The following CLRN1 variants were observed in gnomAD, a reference collection of about 807,000 sequenced individuals.
The protein encoded by CLRN1 is clarin 1.
Under a neutral mutation model 18.7 loss-of-function variants are expected in CLRN1, and 15 were observed. The observed-to-expected ratio is 0.80, with a 90% CI of 0.54 to 1.23. CLRN1 has a LOEUF of 1.23. Ranked by LOEUF, CLRN1 falls within the 50% of genes most tolerant of loss-of-function variation. The probability of loss-of-function intolerance (pLI) is 0.00; values close to 1 mark genes in which losing one functional copy is unlikely to be tolerated. For synonymous variants in CLRN1, 104 were observed against 102.9 expected (o/e 1.01, Z -0.07); for missense variants, 311 against 277.5 (o/e 1.12, Z -0.86).
chr3:150,952,741 T>C (rs1490558288), intron 1 of CLRN1, among the ~76,000 whole-genome samples: 1 of 152,166 alleles, frequency 6.6e-6, no homozygotes, highest in Non-Finnish European at 1.5e-5. Context: ...GTCCTAAAAT[T>C]GAGGGTTGTT....
chr3:150,968,895 A>T (rs79449679), intron 1 of CLRN1, among the ~76,000 whole-genome samples: 9,516 of 152,008 alleles, frequency 0.063, 515 homozygotes, highest in East Asian at 0.15. Context: ...GGTGTCTACC[A>T]TACTTAGGGA....
chr3:150,945,396 A>G, intron 1 of CLRN1: 1 of 690,742 alleles, frequency 1.4e-6, no homozygotes, highest in Non-Finnish European at 2.0e-6. Context: ...ATCTGTACAA[A>G]TGCATGCCTC....
intron 2 of CLRN1, 58 bp downstream of exon 2, chr3:150,941,524 G>A (rs886845489): frequency 4.0e-6 from 6 of 1,507,890 alleles, no homozygotes; most frequent in South Asian, 2.3e-5. Flanking sequence ...TTAGGTAGAC[G>A]GTCTTTTTGA....
At position 150,940,921 on chromosome 3, in the gene CLRN1, C is replaced by T. The variant is rs144748920; in HGVS notation, c.433+661G>A. ...AGCATTAGGCTACACAAAGTGTCTA[C>T]AGGCTTGAATATGGCTGCTCATATG... On this transcript the variant is annotated intron_variant, in intron 2 of 2. Coordinates refer to ENST00000327047, the MANE Select transcript of CLRN1 (RefSeq NM_174878.3). 1.4e-4 allele frequency among the ~76,000 whole-genome samples: 21 copies of T among 152,306 alleles called. No individual in the cohort carries two copies. The East Asian group carries it at 3.5e-3, about 25-fold the overall frequency.
chr3:150,957,533 C>T (rs1714804424), intron 1 of CLRN1, among the ~76,000 whole-genome samples: 1 of 152,222 alleles, frequency 6.6e-6, no homozygotes, highest in African/African-American at 2.4e-5. Flanking sequence ...TTGACTGTTA[C>T]TTCCTTGGTG....
intron 2 of CLRN1, among the ~76,000 whole-genome samples, chr3:150,932,142 C>G (rs909010429): frequency 6.6e-6 from 1 of 152,076 alleles, no homozygotes; most frequent in African/African-American, 2.4e-5. Context: ...CATGAATGAT[C>G]AGTCAATTAA....
chr3:150,964,497 C>A (rs1715174971), intron 1 of CLRN1, among the ~76,000 whole-genome samples: 1 of 152,194 alleles, frequency 6.6e-6, no homozygotes, highest in African/African-American at 2.4e-5. Flanking sequence ...GACAGTGTGG[C>A]AATTCCTGAA....
chr3:150,940,592 C>T (rs1713759790), intron 2 of CLRN1: 1 of 1,377,612 alleles, frequency 7.3e-7, no homozygotes, highest in African/African-American at 1.4e-5. Flanking sequence ...TGTTATCGTT[C>T]TGTATCCCTC....
At chr3:150,936,823 C>T (rs1303709220) in intron 2 of CLRN1, among the ~76,000 whole-genome samples, 42 of 152,108 alleles carry the variant, frequency 2.8e-4, no homozygotes, top group Admixed American at 2.8e-3. Context: ...CACCTAGCCA[C>T]ATTGGCCTTC....
At chr3:150,943,251 G>A (rs1249178190) in intron 1 of CLRN1, among the ~76,000 whole-genome samples, 3 of 152,158 alleles carry the variant, frequency 2.0e-5, no homozygotes, top group Non-Finnish European at 4.4e-5. Context: ...AGCCCAAAGT[G>A]AGAACTTCCA....
At chr3:150,957,938 G>C (rs1714835164) in intron 1 of CLRN1, among the ~76,000 whole-genome samples, 1 of 152,100 alleles carries the variant, frequency 6.6e-6, no homozygotes, top group Non-Finnish European at 1.5e-5. Flanking sequence ...TGGGATTACA[G>C]GTATGAGCCA....
intron 2 of CLRN1, among the ~76,000 whole-genome samples, chr3:150,940,947 T>G (rs1016186917): frequency 2.0e-5 from 3 of 152,184 alleles, no homozygotes; most frequent in Non-Finnish European, 2.9e-5. Flanking sequence ...TGCTCATATG[T>G]GGGCGGAACA....
At chr3:150,928,325 A>C in intron 2 of CLRN1, 124 bp from the exon 3 acceptor site, 1 of 1,195,060 alleles carries the variant, frequency 8.4e-7, no homozygotes, top group Non-Finnish European at 1.2e-6. Context: ...TCCACACAAA[A>C]AATTATTGCA....
At chr3:150,934,073 C>T (rs911042028) in intron 2 of CLRN1, among the ~76,000 whole-genome samples, 1 of 152,180 alleles carries the variant, frequency 6.6e-6, no homozygotes, top group Non-Finnish European at 1.5e-5. Context: ...AAAACAGCTC[C>T]TTCATAAGGA....
chr3:150,959,317 T>C (rs1714909363), intron 1 of CLRN1, among the ~76,000 whole-genome samples: 1 of 152,148 alleles, frequency 6.6e-6, no homozygotes, highest in African/African-American at 2.4e-5. Flanking sequence ...TTGTCTCACA[T>C]GTCAAGTAAT....
intron 2 of CLRN1, among the ~76,000 whole-genome samples, chr3:150,933,415 G>T (rs1331607410): frequency 6.6e-6 from 1 of 152,144 alleles, no homozygotes; most frequent in Non-Finnish European, 1.5e-5. Context: ...GCCTCATAGG[G>T]AATATAACAT....
chr3:150,937,344 C>T (rs574929372), intron 2 of CLRN1, among the ~76,000 whole-genome samples: 5 of 152,266 alleles, frequency 3.3e-5, no homozygotes, highest in African/African-American at 9.6e-5. Context: ...ATAATGGGCA[C>T]TCAGTCAATG....
intron 2 of CLRN1, among the ~76,000 whole-genome samples, chr3:150,937,923 A>T (rs1209682520): frequency 3.9e-5 from 6 of 151,990 alleles, no homozygotes; most frequent in Non-Finnish European, 7.4e-5. Flanking sequence ...CCATAGCAGT[A>T]CTCTGGGCAG....
intron 2 of CLRN1, among the ~76,000 whole-genome samples, chr3:150,940,981 G>T (rs910130233): frequency 3.9e-5 from 6 of 151,906 alleles, no homozygotes; most frequent in African/African-American, 1.4e-4. Context: ...CTTTTTTGAT[G>T]CCATTTATTT....
Sources: allele counts gnomAD v4.1 joint callset (sites outside exome capture counted in the v4.1 genomes callset), GRCh38; gene constraint gnomAD v4.1.1; transcripts MANE v1.5; gene names NCBI Gene and HGNC (gene_info 2026-07-23, HGNC 2026-07-21).